The following OGN variants were observed in gnomAD, a reference collection of about 807,000 sequenced individuals.
OGN encodes mimecan.
A neutral mutation model predicts 30.8 loss-of-function variants in OGN; 19 were observed. The ratio of observed to expected loss-of-function variants is 0.62; its 90% CI spans 0.43 to 0.90. The LOEUF (loss-of-function observed/expected upper bound fraction) is 0.90. Ranked by LOEUF, OGN falls within the 40% of genes least tolerant of loss-of-function variation. The pLI is 0.00. For synonymous variants in OGN, 126 were observed against 128.3 expected (o/e 0.98, Z 0.12); for missense variants, 283 against 349.7 (o/e 0.81, Z 1.52).
In OGN at chr9:92,393,222, A is replaced by G. The variant is rs202124976; in HGVS notation, c.291T>C (p.Cys97=). 12 of 1,597,302 alleles carry G rather than the reference A, an allele frequency of 7.5e-6. No homozygotes were observed. Among genetic ancestry groups the G allele is most frequent in the Non-Finnish European group, 9.4e-6 (11 of 1,171,170 alleles). Residue 97 remains cysteine, a synonymous_variant, in exon 4 of 7, where the codon TGT becomes TGC. Transcript: ENST00000375561. ...ENDEMPTCLL[C]VCLSGSVYCE... is the part of the protein sequence containing the mutation. ...AGTATACAGAGCCACTTAAACAAAC[A>G]CACAGCAGACACGTGGGCATTTCTA...
intron 4 of OGN, among the ~76,000 whole-genome samples, chr9:92,391,545 G>A (rs1842688442): frequency 6.6e-6 from 1 of 152,176 alleles, no homozygotes; most frequent in Non-Finnish European, 1.5e-5. Context: ...GCTGCAGTGA[G>A]CTGAGATCAC....
chr9:92,393,748 G>A (rs1260673991), intron 3 of OGN, among the ~76,000 whole-genome samples: 1 of 151,266 alleles, frequency 6.6e-6, no homozygotes, highest in Non-Finnish European at 1.5e-5. Context: ...CTTAGTCTTT[G>A]TTTTTTATAC....
chr9:92,403,379 A>G lies in OGN; in HGVS notation c.29T>C (p.Leu10Pro). 3.7e-6 allele frequency: 6 copies of G among 1,613,098 alleles called. No homozygotes were observed. Among genetic ancestry groups the G allele is most frequent in the Non-Finnish European group, 5.1e-6 (6 of 1,179,342 alleles). The change falls in exon 2 of 7, where the codon CTG (leucine) becomes CCG (proline). Residue 10 changes from leucine to proline, a missense_variant. Physicochemically the swap from Leu to Pro is moderately conservative, Grantham distance 98 (BLOSUM62 -3). Coordinates refer to ENST00000375561, the MANE Select transcript of OGN (RefSeq NM_014057.5). ...CTTTATCAGAGGCACAAGCAGTAAC[A>G]GGAGAAGTGTAGACTGCAGAGTCTT... MKTLQSTLLLLLLVPLIKPA... is the reference protein window; with the variant it reads MKTLQSTLLPLLLVPLIKPA...
intron 3 of OGN, among the ~76,000 whole-genome samples, chr9:92,400,160 G>T: frequency 6.6e-6 from 1 of 151,562 alleles, no homozygotes. Flanking sequence ...TTTTGTTTTT[G>T]TTTTTTTTGA....
At chr9:92,391,362 G>T (rs1842676796) in intron 4 of OGN, among the ~76,000 whole-genome samples, 1 of 152,054 alleles carries the variant, frequency 6.6e-6, no homozygotes, top group Non-Finnish European at 1.5e-5. Flanking sequence ...AGCCGAGATG[G>T]TGCCACTGCA....
At chr9:92,404,453 T>G (rs1564302905) in intron 1 of OGN, 43 bp downstream of exon 1, 1 of 1,215,304 alleles carries the variant, frequency 8.2e-7, no homozygotes, top group South Asian at 1.4e-5. Context: ...CAGTCGCACT[T>G]TAACAAACAA....
rs1398487928 is a variant in OGN at position 92,393,113 on chromosome 9, G to T, written c.400C>A (p.Leu134Met). 2 of 1,613,554 alleles carry T rather than the reference G, an allele frequency of 1.2e-6. No homozygotes were observed. Among genetic ancestry groups the T allele is most frequent in the Middle Eastern group, 1.7e-4 (1 of 6,058 alleles). The change falls in exon 4 of 7, where the codon CTG becomes ATG. Residue 134 changes from leucine to methionine, a missense_variant. By Grantham distance (15) the Leu-to-Met change is conservative (BLOSUM62 2). Coordinates refer to ENST00000375561, the MANE Select transcript of OGN (RefSeq NM_014057.5). ...LYARFNKIKKLTAKDFADIPN... is the reference protein window; with the variant it reads ...LYARFNKIKKMTAKDFADIPN... ...ATGTCTGCAAAATCTTTGGCAGTCA[G>T]CTTTTTAATTTTGTTGAATCGTGCG...
chr9:92,387,053 GAAAA>G (rs903436031), intron 5 of OGN, among the ~76,000 whole-genome samples: 1 of 50,176 alleles, frequency 2.0e-5, no homozygotes, highest in Non-Finnish European at 3.7e-5. Context: ...GTCTCAAAAA[GAAAA>G]AAAAAAAAAA....
At chr9:92,399,454 C>G (rs147947419) in intron 3 of OGN, among the ~76,000 whole-genome samples, 1 of 151,896 alleles carries the variant, frequency 6.6e-6, no homozygotes, top group Non-Finnish European at 1.5e-5. Context: ...GTTATATTAT[C>G]TGTGAGCTCT....
chr9:92,404,008 T>C (rs1843225474), intron 1 of OGN, among the ~76,000 whole-genome samples: 1 of 152,210 alleles, frequency 6.6e-6, no homozygotes, highest in Non-Finnish European at 1.5e-5. Context: ...GTAATTTTAA[T>C]AGGTGATCAT....
intron 5 of OGN, 31 bp downstream of exon 5, chr9:92,389,823 A>G: frequency 7.0e-7 from 1 of 1,435,952 alleles, no homozygotes; most frequent in Non-Finnish European, 9.8e-7. Flanking sequence ...CATCACTCAT[A>G]CTATGCTTAG....
chr9:92,389,787 C>A, intron 5 of OGN, 67 bp downstream of exon 5: 2 of 1,048,742 alleles, frequency 1.9e-6, no homozygotes, highest in Non-Finnish European at 1.4e-6. Context: ...AATTCTAGAC[C>A]AAAGTTTCTC....
intron 4 of OGN, among the ~76,000 whole-genome samples, chr9:92,392,639 A>T (rs72752443): frequency 0.031 from 4,654 of 152,190 alleles, 112 homozygotes; most frequent in South Asian, 0.084. Flanking sequence ...GGGGAGAAAA[A>T]AAAAACACTT....
In OGN at chr9:92,385,645, C is replaced by A. The variant is rs1468477446; in HGVS notation, c.872G>T (p.Arg291Ile). The change falls in exon 7 of 7, where the codon AGA (arginine) becomes ATA (isoleucine). Residue 291 changes from arginine to isoleucine, a missense_variant. Physicochemically the swap from Arg to Ile is moderately conservative, Grantham distance 97 (BLOSUM62 -3). Transcript: ENST00000375561. The part of the protein sequence containing the change: ...KHPNSFICLK[R>I]LPIGSYF ...TTAAAAGTATGACCCTATCGGTAATCTTTTTAAGCAAATAAAACTGTTTGG... is the reference window on the plus strand; with the variant it reads ...TTAAAAGTATGACCCTATCGGTAATATTTTTAAGCAAATAAAACTGTTTGG... The A allele has an allele frequency of 3.1e-6, 5 of 1,614,086 alleles. No homozygotes were observed. In the South Asian group the frequency reaches 4.4e-5, roughly 14 times the overall value.
intron 5 of OGN, among the ~76,000 whole-genome samples, chr9:92,387,173 G>C (rs975120283): frequency 3.3e-5 from 5 of 151,724 alleles, no homozygotes; most frequent in African/African-American, 1.2e-4. Flanking sequence ...AGGAGTTCGA[G>C]ACCAGCCTGG....
intron 5 of OGN, 21 bp downstream of exon 5, chr9:92,389,833 G>T (rs1217159660): frequency 6.6e-7 from 1 of 1,523,164 alleles, no homozygotes; most frequent in African/African-American, 1.4e-5. Context: ...ACTATGCTTA[G>T]TTTTACTATA....
chr9:92,393,758 C>A (rs1267333894), intron 3 of OGN, among the ~76,000 whole-genome samples: 2 of 151,966 alleles, frequency 1.3e-5, no homozygotes, highest in African/African-American at 2.4e-5. Flanking sequence ...GTTTTTTATA[C>A]CTTTTCCTGT....
chr9:92,403,277 C>G lies in OGN; in HGVS notation c.131G>C (p.Ser44Thr). The G allele has an allele frequency of 6.2e-7, 1 of 1,605,436 alleles. No individual in the cohort carries two copies. The highest frequency in any genetic ancestry group is 8.5e-7 in the Non-Finnish European group (1 of 1,173,244). ...CAGGTATTTATCCTCATAATCTTGG[C>G]TAAATATGGATTCTTCAAAATTATC... ...GTDNFEESIF[S>T]QDYEDKYLDG... The change falls in exon 2 of 7, where the codon AGC (serine) becomes ACC (threonine). Residue 44 changes from serine to threonine, a missense_variant. Transcript: ENST00000375561.
In OGN at chr9:92,403,365, G is replaced by A. The variant is rs1231452080; in HGVS notation, c.43C>T (p.Pro15Ser). The A allele has an allele frequency of 6.2e-7, 1 of 1,612,996 alleles. No homozygotes were observed. The highest frequency in any genetic ancestry group is 2.2e-5 in the East Asian group (1 of 44,826). ...QSTLLLLLLV[P>S]LIKPAPPTQQ... ...GTTGGTGGTGCTGGCTTTATCAGAG[G>A]CACAAGCAGTAACAGGAGAAGTGTA... The change falls in exon 2 of 7, where the codon CCT (proline) becomes TCT (serine). Residue 15 changes from proline to serine, a missense_variant. By Grantham distance (74) the Pro-to-Ser change is moderately conservative. Coordinates refer to ENST00000375561, the MANE Select transcript of OGN (RefSeq NM_014057.5).
Sources: allele counts gnomAD v4.1 joint callset (sites outside exome capture counted in the v4.1 genomes callset), GRCh38; gene constraint gnomAD v4.1.1; transcripts MANE v1.5; gene names NCBI Gene and HGNC (gene_info 2026-07-23, HGNC 2026-07-21).